RNF216: variants seen among roughly 807,000 people sequenced by gnomAD.
The protein encoded by RNF216 is E3 ubiquitin-protein ligase RNF216.
RNF216 carries 72 observed loss-of-function variants against 110.8 expected under a neutral mutation model. The observed-to-expected ratio is 0.65, with a 90% CI of 0.54 to 0.79. The LOEUF (loss-of-function observed/expected upper bound fraction) is 0.79, where lower values mean the gene tolerates loss of function less well. Ranked by LOEUF, RNF216 falls within the 30% of genes least tolerant of loss-of-function variation. RNF216 has a pLI of 0.00. For missense variants in RNF216, 1,342 were observed against 1,141.2 expected (o/e 1.18, Z -2.54); for synonymous variants, 495 against 407.5 (o/e 1.21, Z -2.59).
intron 13 of RNF216, among the ~76,000 whole-genome samples, chr7:5,675,267 C>G (rs577564480): frequency 1.5e-4 from 23 of 152,288 alleles, no homozygotes; most frequent in African/African-American, 5.3e-4. Flanking sequence ...TGCACACACG[C>G]TAGGTTCTGC....
intron 1 of RNF216, among the ~76,000 whole-genome samples, chr7:5,771,485 T>C (rs1236921309): frequency 3.3e-5 from 5 of 152,126 alleles, no homozygotes; most frequent in Non-Finnish European, 7.4e-5. Flanking sequence ...TAAAAACTCT[T>C]GCATGTTAAC....
chr7:5,723,479 C>G (rs1793565699), intron 8 of RNF216, among the ~76,000 whole-genome samples: 1 of 151,864 alleles, frequency 6.6e-6, no homozygotes, highest in Admixed American at 6.6e-5. Flanking sequence ...AACCCCGTCT[C>G]TACTAAAAAC....
At chr7:5,628,539 T>G (rs1223200151) in intron 15 of RNF216, among the ~76,000 whole-genome samples, 1 of 152,204 alleles carries the variant, frequency 6.6e-6, no homozygotes, top group Non-Finnish European at 1.5e-5. Context: ...TTCCTTTTCT[T>G]TGAGACAGTG....
intron 1 of RNF216, among the ~76,000 whole-genome samples, chr7:5,761,886 G>T (rs1375097818): frequency 6.6e-6 from 1 of 152,138 alleles, no homozygotes; most frequent in Non-Finnish European, 1.5e-5. Flanking sequence ...GGTTTGAAGA[G>T]TAACTTGGAA....
chr7:5,711,251 G>A (rs1334637916), intron 13 of RNF216, among the ~76,000 whole-genome samples: 1 of 152,210 alleles, frequency 6.6e-6, no homozygotes, highest in East Asian at 1.9e-4. Context: ...AGACAGCTCT[G>A]CTCCCACGTA....
intron 13 of RNF216, among the ~76,000 whole-genome samples, chr7:5,657,261 G>A (rs1584391376): frequency 6.6e-6 from 1 of 152,176 alleles, no homozygotes; most frequent in East Asian, 1.9e-4. Flanking sequence ...TCTCTGTTCT[G>A]TCACCTCAAA....
At chr7:5,656,192 C>CCAGGAGGTGGAGG (rs1788730337) in intron 13 of RNF216, among the ~76,000 whole-genome samples, 2 of 152,128 alleles carry the variant, frequency 1.3e-5, no homozygotes. Context: ...TTGCTTGAAC[C>CCAGGAGGTGGAGG]CAGGAGGTGG....
At chr7:5,664,897 G>A (rs1168742658) in intron 13 of RNF216, among the ~76,000 whole-genome samples, 1 of 152,192 alleles carries the variant, frequency 6.6e-6, no homozygotes, top group African/African-American at 2.4e-5. Context: ...CCAGGTTCAA[G>A]CAATTCTTCC....
At position 5,696,272 on chromosome 7, in the gene RNF216, G is replaced by T. The variant is rs1791621631; in HGVS notation, c.2061+15489C>A. On this transcript the variant is annotated intron_variant, in intron 13 of 16. Coordinates refer to ENST00000389902, the MANE Select transcript of RNF216 (RefSeq NM_207111.4). The surrounding 1 kb of genome is among the most constrained non-coding windows in gnomAD (Gnocchi z 5.4). ...GCAGCTGGGAAAACATGTTGCAAAA[G>T]GAGAATTAAGCAATTCTCTGTATGC... 6.6e-6 allele frequency among the ~76,000 whole-genome samples: 1 copy of T among 152,242 alleles called. No individual in the cohort carries two copies. The highest frequency in any genetic ancestry group is 2.4e-5 in the African/African-American group (1 of 41,456).
intron 1 of RNF216, among the ~76,000 whole-genome samples, chr7:5,772,669 T>C (rs768560483): frequency 9.2e-5 from 14 of 152,008 alleles, no homozygotes; most frequent in Non-Finnish European, 1.5e-4. Context: ...TCTCAACTTA[T>C]AGAATGTGAA....
At chr7:5,728,470 A>G (rs1793893538) in intron 7 of RNF216, among the ~76,000 whole-genome samples, 1 of 151,972 alleles carries the variant, frequency 6.6e-6, no homozygotes, top group African/African-American at 2.4e-5. Flanking sequence ...GCTACTCAGG[A>G]GGCTGAGACA....
intron 1 of RNF216, among the ~76,000 whole-genome samples, chr7:5,766,304 AAAAC>A (rs1361952288): frequency 1.2e-4 from 18 of 152,134 alleles, no homozygotes; most frequent in South Asian, 2.1e-4. Context: ...AACTAAAACA[AAAAC>A]AAACAAAAAA....
chr7:5,779,939 C>T (rs1350546652), intron 1 of RNF216: 3 of 151,906 alleles, frequency 2.0e-5, no homozygotes, highest in Non-Finnish European at 4.4e-5. Flanking sequence ...CGCGGATATG[C>T]TCTGGTCCCC....
intron 13 of RNF216, among the ~76,000 whole-genome samples, chr7:5,698,382 T>TACACAC (rs1301943842): frequency 6.5e-5 from 5 of 76,370 alleles, no homozygotes; most frequent in African/African-American, 1.8e-4. Flanking sequence ...TAGATTCTTT[T>TACACAC]ATACACACAC....
chr7:5,767,521 G>A (rs1299885162), intron 1 of RNF216, among the ~76,000 whole-genome samples: 1 of 151,958 alleles, frequency 6.6e-6, no homozygotes, highest in Non-Finnish European at 1.5e-5. Flanking sequence ...CATACATGCA[G>A]GACTAGACTC....
At chr7:5,762,568 T>C (rs6463514) in intron 1 of RNF216, among the ~76,000 whole-genome samples, 66,082 of 151,502 alleles carry the variant, frequency 0.44, 14,843 homozygotes, top group East Asian at 0.76. Flanking sequence ...GACGGGCACC[T>C]GATATCCCAG....
chr7:5,644,324 A>G (rs1264674751), intron 14 of RNF216, among the ~76,000 whole-genome samples: 3 of 152,014 alleles, frequency 2.0e-5, no homozygotes, highest in South Asian at 2.1e-4. Context: ...CATTTTTTCT[A>G]TATCTCTGTC....
At chr7:5,679,362 T>A (rs1790508466) in intron 13 of RNF216, among the ~76,000 whole-genome samples, 1 of 152,188 alleles carries the variant, frequency 6.6e-6, no homozygotes, top group Non-Finnish European at 1.5e-5. Context: ...AGCCCTAGAA[T>A]GGTGCAGAAC....
intron 9 of RNF216, among the ~76,000 whole-genome samples, chr7:5,717,832 G>C (rs555678437): frequency 1.3e-5 from 2 of 152,076 alleles, no homozygotes; most frequent in Admixed American, 1.3e-4. Context: ...GCCCAGGCTG[G>C]AGTGCAGTGG....
Sources: allele counts gnomAD v4.1 joint callset (sites outside exome capture counted in the v4.1 genomes callset), GRCh38; gene constraint gnomAD v4.1.1; non-coding constraint Gnocchi (gnomAD v3.1); transcripts MANE v1.5; gene names NCBI Gene and HGNC (gene_info 2026-07-23, HGNC 2026-07-21).